OPCML: variants seen among roughly 807,000 people sequenced by gnomAD.
The protein encoded by OPCML is opioid binding protein/cell adhesion molecule like.
Under a neutral mutation model 37.8 loss-of-function variants are expected in OPCML, and 13 were observed. The ratio of observed to expected loss-of-function variants is 0.34; its 90% CI spans 0.22 to 0.55. The LOEUF (loss-of-function observed/expected upper bound fraction) is 0.55. OPCML is among the 20% of genes least tolerant of loss of function. OPCML has a pLI of 0.91. For missense variants in OPCML, 341 were observed against 435.6 expected (o/e 0.78, Z 1.93); for synonymous variants, 176 against 168.8 (o/e 1.04, Z -0.33).
intron 1 of OPCML, among the ~76,000 whole-genome samples, chr11:133,129,699 G>A (rs1337295144): frequency 1.3e-5 from 2 of 152,042 alleles, no homozygotes; most frequent in East Asian, 1.9e-4. Flanking sequence ...GGCCAGGAGT[G>A]TGAGACCAAC....
At chr11:132,735,085 G>A (rs1235542516) in intron 2 of OPCML, among the ~76,000 whole-genome samples, 1 of 152,106 alleles carries the variant, frequency 6.6e-6, no homozygotes, top group Non-Finnish European at 1.5e-5. Flanking sequence ...AATGAGAGAT[G>A]AACTAGAGAA....
chr11:132,970,781 G>A (rs1946324343), intron 1 of OPCML, among the ~76,000 whole-genome samples: 1 of 152,072 alleles, frequency 6.6e-6, no homozygotes, highest in Non-Finnish European at 1.5e-5. Context: ...CTTCTAAACA[G>A]CTTAAATCTT....
chr11:133,001,005 G>A lies in OPCML; in HGVS notation c.62-57995C>T, dbSNP rs116897722. On this transcript the variant is annotated intron_variant, in intron 1 of 7. Transcript: ENST00000524381. ...ATACACTGCTTCCCCTTTGCCTTCC[G>A]CCATGAGTAAAATCTCCCTGAGGCC... Among the ~76,000 whole-genome samples, 56 of 152,136 alleles carry A rather than the reference G, an allele frequency of 3.7e-4. No individual in the cohort carries two copies. The East Asian group carries it at 0.011, about 29-fold the overall frequency.
intron 1 of OPCML, among the ~76,000 whole-genome samples, chr11:133,529,671 C>A (rs1404982843): frequency 6.6e-6 from 1 of 152,176 alleles, no homozygotes; most frequent in Admixed American, 6.5e-5. Flanking sequence ...TGAGGCCTAA[C>A]CAGGTCAAGG....
At chr11:132,866,245 G>A (rs971496243) in intron 2 of OPCML, among the ~76,000 whole-genome samples, 5 of 152,280 alleles carry the variant, frequency 3.3e-5, no homozygotes, top group African/African-American at 1.2e-4. Context: ...GGAAACTGAG[G>A]CAGAAAAAAA....
intron 1 of OPCML, among the ~76,000 whole-genome samples, chr11:133,021,543 C>G (rs1240682908): frequency 6.6e-6 from 1 of 152,086 alleles, no homozygotes; most frequent in East Asian, 1.9e-4. Flanking sequence ...ACAGGATAAT[C>G]AAGTGGGCAG....
chr11:133,493,360 A>G lies in OPCML; in HGVS notation c.61+38904T>C, dbSNP rs569505632. On this transcript the variant is annotated intron_variant, in intron 1 of 7. Coordinates refer to ENST00000524381, the MANE Select transcript of OPCML (RefSeq NM_001012393.5). ...GACATACAACTGTAGACATAAGTAG[A>G]AAGTGAGGATAAATACACAAGGCAC... 3.9e-5 allele frequency among the ~76,000 whole-genome samples: 6 copies of G among 152,360 alleles called. No homozygotes were observed. In the South Asian group the frequency reaches 1.0e-3, roughly 26 times the overall value.
chr11:133,117,322 T>G (rs1003621826), intron 1 of OPCML, among the ~76,000 whole-genome samples: 1 of 152,150 alleles, frequency 6.6e-6, no homozygotes. Flanking sequence ...CTTCTTTTCT[T>G]CCTCATTTAT....
chr11:132,855,337 C>T (rs1162170839), intron 2 of OPCML, among the ~76,000 whole-genome samples: 2 of 152,168 alleles, frequency 1.3e-5, no homozygotes, highest in African/African-American at 2.4e-5. Context: ...TCCCTAGCCC[C>T]CTGCTCACCA....
intron 2 of OPCML, among the ~76,000 whole-genome samples, chr11:132,801,535 T>G (rs778230036): frequency 2.0e-5 from 3 of 152,170 alleles, no homozygotes; most frequent in Non-Finnish European, 2.9e-5. Flanking sequence ...AAATGCTAAG[T>G]CATCTATTTC....
intron 4 of OPCML, among the ~76,000 whole-genome samples, chr11:132,491,693 C>T (rs536002751): frequency 2.6e-5 from 4 of 152,256 alleles, no homozygotes; most frequent in Non-Finnish European, 4.4e-5. Context: ...TCGCTTTGAG[C>T]GAGGCACTGT....
Position 132,688,751 on chromosome 11 carries a change from G to A in OPCML, c.147-31432C>T. 5.7e-5 allele frequency among the ~76,000 whole-genome samples: 2 copies of A among 35,006 alleles called. 1 individual carries two copies. The highest frequency in any genetic ancestry group is 1.2e-4 in the Non-Finnish European group (2 of 17,044). 23.0% of individuals were successfully genotyped at this position (35,006 alleles called of 152,430 possible). ...GAGGTCAGGAGATCGAGACCATCCT[G>A]GCTAACAAGGTGAAACCCCGTCTCT... On this transcript the variant is annotated intron_variant, in intron 2 of 7. Transcript: ENST00000524381.
In OPCML at chr11:133,346,460, A is replaced by G. The variant is rs545042515; in HGVS notation, c.61+185804T>C. Among the ~76,000 whole-genome samples, 5 of 152,344 alleles carry G rather than the reference A, an allele frequency of 3.3e-5. 1 individual carries two copies. The highest frequency in any genetic ancestry group is 1.2e-4 in the African/African-American group (5 of 41,584). On this transcript the variant is annotated intron_variant, in intron 1 of 7. Transcript: ENST00000524381. ...AATATCGAGAGATGTGAATGCTACT[A>G]GGGGACTACAGAAGAATAGAAATGC...
chr11:133,291,639 T>A (rs1942477235), intron 1 of OPCML, among the ~76,000 whole-genome samples: 2 of 152,202 alleles, frequency 1.3e-5, no homozygotes, highest in African/African-American at 4.8e-5. Flanking sequence ...TGCTTCTTAT[T>A]TTTTTGGCAA....
chr11:132,687,524 C>A (rs1267296396), intron 2 of OPCML, among the ~76,000 whole-genome samples: 3 of 149,608 alleles, frequency 2.0e-5, no homozygotes, highest in African/African-American at 7.3e-5. Flanking sequence ...AAAACACAGC[C>A]TTTCCTCAGC....
At chr11:133,435,720 T>C (rs1162987541) in intron 1 of OPCML, among the ~76,000 whole-genome samples, 1 of 152,228 alleles carries the variant, frequency 6.6e-6, no homozygotes, top group Non-Finnish European at 1.5e-5. Flanking sequence ...CTGATTTCCA[T>C]AAATAATGAA....
At chr11:132,870,864 G>C (rs1221749203) in intron 2 of OPCML, among the ~76,000 whole-genome samples, 1 of 152,146 alleles carries the variant, frequency 6.6e-6, no homozygotes, top group Non-Finnish European at 1.5e-5. Flanking sequence ...CAAAAGTAGG[G>C]AGTAAAATGG....
At chr11:133,447,852 T>C (rs547329548) in intron 1 of OPCML, among the ~76,000 whole-genome samples, 28 of 152,234 alleles carry the variant, frequency 1.8e-4, no homozygotes, top group Non-Finnish European at 2.9e-4. Flanking sequence ...TATTTTTTGG[T>C]AGAATGGAAA....
chr11:132,575,139 G>A (rs182863565), intron 3 of OPCML, among the ~76,000 whole-genome samples: 2 of 151,986 alleles, frequency 1.3e-5, no homozygotes, highest in Admixed American at 1.3e-4. Context: ...AAGCCTATGT[G>A]TGCCCTTAAA....
Sources: gnomAD v4.1 joint callset for allele counts (sites outside exome capture counted in the v4.1 genomes callset) on GRCh38, gnomAD v4.1.1 for gene constraint, MANE v1.5 for transcripts, NCBI Gene and HGNC (gene_info 2026-07-23, HGNC 2026-07-21) for gene names.